Variants in GOT2 observed in about 807,000 individuals in gnomAD.
GOT2 encodes glutamic-oxaloacetic transaminase 2, also known as aspartate aminotransferase, mitochondrial.
GOT2 carries 17 observed loss-of-function variants against 50.0 expected under a neutral mutation model. The observed-to-expected ratio is 0.34, with a 90% CI of 0.23 to 0.51. GOT2 has a LOEUF of 0.51. GOT2 is among the 20% of genes least tolerant of loss of function. The pLI, the probability that GOT2 is intolerant of heterozygous loss-of-function variation, is 0.97. For missense variants in GOT2, 430 were observed against 559.6 expected (o/e 0.77, Z 2.34); for synonymous variants, 172 against 204.9 (o/e 0.84, Z 1.37).
chr16:58,722,387 T>C (rs2044749733), intron 2 of GOT2, 109 bp from the exon 3 acceptor site: 1 of 1,130,680 alleles, frequency 8.8e-7, no homozygotes, highest in Non-Finnish European at 1.3e-6. Flanking sequence ...TCTTTTTTTT[T>C]TGAGATGGAG....
chr16:58,718,764 G>C (rs2044717122), intron 4 of GOT2, 76 bp from the exon 5 acceptor site: 15 of 1,252,746 alleles, frequency 1.2e-5, no homozygotes, highest in Admixed American at 2.4e-5. Flanking sequence ...TTTATTGAGA[G>C]AACATTTTTC....
At chr16:58,724,730 G>A (rs1407847160) in intron 1 of GOT2, among the ~76,000 whole-genome samples, 3 of 152,040 alleles carry the variant, frequency 2.0e-5, no homozygotes, top group Non-Finnish European at 4.4e-5. Flanking sequence ...TGGTAGAGAC[G>A]GGGTTTCGCC....
At position 58,718,314 on chromosome 16, in the gene GOT2, C is replaced by T. The variant is rs756883136; in HGVS notation, c.598-14G>A. 1.3e-6 allele frequency: 2 copies of T among 1,595,764 alleles called. No individual in the cohort carries two copies. The highest frequency in any genetic ancestry group is 1.7e-6 in the Non-Finnish European group (2 of 1,163,350). On this transcript the variant is annotated splice_polypyrimidine_tract_variant and intron_variant, in intron 5 of 9. Coordinates refer to ENST00000245206, the MANE Select transcript of GOT2 (RefSeq NM_002080.4). ...CTCTGGTATTTTCTAAAGAGAAAAACAGCCAAGAGACGACTTTGCAGCTTT... is the reference window on the plus strand; with the variant it reads ...CTCTGGTATTTTCTAAAGAGAAAAATAGCCAAGAGACGACTTTGCAGCTTT...
intron 2 of GOT2, 66 bp downstream of exon 2, chr16:58,723,680 T>C: frequency 7.5e-7 from 1 of 1,325,240 alleles, no homozygotes; most frequent in Non-Finnish European, 1.1e-6. Flanking sequence ...GCACTATTCC[T>C]GCCACTCTCC....
rs1472019085 is a variant in GOT2, at chr16:58,719,196, C to A, written c.435G>T (p.Leu145=). The change falls in exon 4 of 10, where the codon CTG becomes CTT. Residue 145 remains leucine, a splice_region_variant and synonymous_variant. Coordinates refer to ENST00000245206, the MANE Select transcript of GOT2 (RefSeq NM_002080.4). ...TGALRIGASF[L]QRFFKFSRDV... ...TTCCTGAAGAAGCTTCCAGACTCAC[C>A]AGAAAACTGGCTCCGATCCTTAAGG... 6.2e-7 allele frequency: 1 copy of A among 1,611,004 alleles called. No homozygotes were observed. Among genetic ancestry groups the A allele is most frequent in the African/African-American group, 1.3e-5 (1 of 74,902 alleles).
At chr16:58,721,862 C>T in intron 3 of GOT2, 1 of 206,918 alleles carries the variant, frequency 4.8e-6, no homozygotes, top group Non-Finnish European at 9.8e-6. Context: ...CTCACCACAA[C>T]CTCTGCCTTC....
rs2044859003 is a variant in GOT2, at chr16:58,734,169, GC to G, written c.59del (p.Gly20AlafsTer41). 2 of 1,333,358 alleles carry G rather than the reference GC, an allele frequency of 1.5e-6. No individual in the cohort carries two copies. Among genetic ancestry groups the G allele is most frequent in the South Asian group, 2.5e-5 (1 of 39,870 alleles). The allele number at this position is 1,333,358 out of a possible 1,614,324, so 82.6% of individuals were successfully genotyped here. A position where few individuals can be genotyped will look rare whatever the true frequency, so the allele number is the denominator to read the frequency against. On this transcript the variant is annotated frameshift_variant, in exon 1 of 10. Coordinates refer to ENST00000245206, the MANE Select transcript of GOT2 (RefSeq NM_002080.4). LOFTEE classifies it high-confidence loss of function. ...LPGIAAAFHP[G>X]LAAAASARAS... ...CTCTGGCAGAGGCCGCGGCGGCGAGGCCCGGGTGGAAGGCGGCGGCGATCCC... is the reference window on the plus strand; with the variant it reads ...CTCTGGCAGAGGCCGCGGCGGCGAGGCCGGGTGGAAGGCGGCGGCGATCCC...
At chr16:58,725,982 G>T (rs150085010) in intron 1 of GOT2, among the ~76,000 whole-genome samples, 29 of 152,202 alleles carry the variant, frequency 1.9e-4, no homozygotes, top group African/African-American at 6.5e-4. Context: ...TTTATGTGGG[G>T]TATAACTATT....
rs925613804 is a variant in GOT2, at chr16:58,707,378, A to C, written c.*793T>G. The C allele has an allele frequency of 1.3e-5, 2 of 152,232 alleles. No individual in the cohort carries two copies. The highest frequency in any genetic ancestry group is 2.9e-5 in the Non-Finnish European group (2 of 68,056). 9.4% of individuals were successfully genotyped at this position (152,232 alleles called of 1,614,324 possible). On this transcript the variant is annotated 3_prime_UTR_variant, in exon 10 of 10. Coordinates refer to ENST00000245206, the MANE Select transcript of GOT2 (RefSeq NM_002080.4). ...GCAGAGACAACATCCCAACTGGAGA[A>C]ACTTGCACTATCATTCAAGAGGATG...
In GOT2 at chr16:58,722,028, C is replaced by T. The variant is rs761048822; in HGVS notation, c.375+122G>A. The T allele has an allele frequency of 4.7e-6, 5 of 1,056,902 alleles. No homozygotes were observed. In the African/African-American group the frequency reaches 4.7e-5, roughly 10 times the overall value. 65.5% of individuals were successfully genotyped at this position (1,056,902 alleles called of 1,614,324 possible). ...CTCCCGACCTCAGATGAACCACCCG[C>T]CTTGGCCTCCCAAAGTGGTGGGATT... On this transcript the variant is annotated intron_variant, in intron 3 of 9. Transcript: ENST00000245206.
At position 58,722,174 on chromosome 16, in the gene GOT2, G is replaced by C; in HGVS notation, c.351C>G (p.Asn117Lys). The C allele has an allele frequency of 6.2e-7, 1 of 1,612,234 alleles. No homozygotes were observed. The highest frequency in any genetic ancestry group is 8.5e-7 in the Non-Finnish European group (1 of 1,179,966). Residue 117 changes from asparagine to lysine, a missense_variant, in exon 3 of 10, where the codon AAC becomes AAG. Asn to Lys is a moderately conservative substitution (Grantham distance 94). Coordinates refer to ENST00000245206, the MANE Select transcript of GOT2 (RefSeq NM_002080.4). ...CCCGGCCACTCTTCAAGACTTCGCT[G>C]TTCTCACCCAGGGCTAGTTCTGCAG... is the stretch of plus-strand genomic sequence containing the variant. ...KASAELALGE[N>K]SEVLKSGRFV...
rs112837015 is a variant in GOT2, at chr16:58,711,048, C to CA, written c.1020-1482dup. 1.7e-3 allele frequency among the ~76,000 whole-genome samples: 210 copies of CA among 125,100 alleles called. 2 individuals carry two copies. The highest frequency in any genetic ancestry group is 4.5e-3 in the Middle Eastern group (1 of 222). 82.1% of individuals were successfully genotyped at this position (125,100 alleles called of 152,430 possible). ...ATTAAGGTAAAAGCTGTGGGTTAAACAAAAAAAAAAAATGACCTTATTTTT... is the reference window on the plus strand; with the variant it reads ...ATTAAGGTAAAAGCTGTGGGTTAAACAAAAAAAAAAAAATGACCTTATTTTT... On this transcript the variant is annotated intron_variant, in intron 8 of 9. Coordinates refer to ENST00000245206, the MANE Select transcript of GOT2 (RefSeq NM_002080.4).
chr16:58,715,802 T>G (rs970838612), intron 8 of GOT2, among the ~76,000 whole-genome samples: 2 of 152,214 alleles, frequency 1.3e-5, no homozygotes, highest in Non-Finnish European at 2.9e-5. Flanking sequence ...TCCACCTGCC[T>G]CGGCCTCCCA....
At chr16:58,719,316 G>A in intron 3 of GOT2, 61 bp from the exon 4 acceptor site, 1 of 1,144,056 alleles carries the variant, frequency 8.7e-7, no homozygotes, top group Non-Finnish European at 1.3e-6. Context: ...CCCAGACCCA[G>A]GGCCACTGCT....
Position 58,718,938 on chromosome 16 carries a change from C to A in GOT2, c.436-250G>T, listed in dbSNP as rs181450342. Among the ~76,000 whole-genome samples the A allele has an allele frequency of 0.012, 1,853 of 152,286 alleles. 15 individuals are homozygous for A. The highest frequency in any genetic ancestry group is 0.037 in the Middle Eastern group (11 of 294). Reference sequence around the variant, plus strand: ...TAAAGGGGGTTAATTGTACCTCTCTCATAGGGATTAAACAAGTTAAAATGC... The same window carrying A: ...TAAAGGGGGTTAATTGTACCTCTCTAATAGGGATTAAACAAGTTAAAATGC... On this transcript the variant is annotated intron_variant, in intron 4 of 9. Coordinates refer to ENST00000245206, the MANE Select transcript of GOT2 (RefSeq NM_002080.4).
chr16:58,715,793 C>T (rs1452615766), intron 8 of GOT2, among the ~76,000 whole-genome samples: 1 of 152,174 alleles, frequency 6.6e-6, no homozygotes, highest in Non-Finnish European at 1.5e-5. Flanking sequence ...CTCAGGTGAT[C>T]CACCTGCCTC....
At chr16:58,716,608 C>G in intron 7 of GOT2, 55 bp downstream of exon 7, 1 of 1,503,152 alleles carries the variant, frequency 6.7e-7, no homozygotes, top group Non-Finnish European at 9.2e-7. Context: ...TCTATGCCCT[C>G]GTGGCATTCT....
chr16:58,718,766 A>G, intron 4 of GOT2, 78 bp from the exon 5 acceptor site: 2 of 1,224,502 alleles, frequency 1.6e-6, no homozygotes, highest in Non-Finnish European at 2.3e-6. Context: ...TATTGAGAGA[A>G]CATTTTTCTC....
rs1252222744 is a variant in GOT2 at position 58,715,235 on chromosome 16, G to T, written c.1019+779C>A. Among the ~76,000 whole-genome samples the T allele has an allele frequency of 3.9e-5, 6 of 151,988 alleles. No homozygotes were observed. The East Asian group carries it at 1.2e-3, about 29-fold the overall frequency. On this transcript the variant is annotated intron_variant, in intron 8 of 9. Coordinates refer to ENST00000245206, the MANE Select transcript of GOT2 (RefSeq NM_002080.4). ...ACGGATTCAATGCTAGCAATTATTA[G>T]GACACAAACAAAAATATGATGTTTT...
Sources: gnomAD v4.1 joint callset for allele counts (sites outside exome capture counted in the v4.1 genomes callset) on GRCh38, gnomAD v4.1.1 for gene constraint, MANE v1.5 for transcripts, NCBI Gene and HGNC (gene_info 2026-07-23, HGNC 2026-07-21) for gene names.